ADAMTS14: variants seen among roughly 807,000 people sequenced by gnomAD.
ADAMTS14 encodes the protein A disintegrin and metalloproteinase with thrombospondin motifs 14.
In ADAMTS14, 100 loss-of-function variants were observed where a neutral mutation model predicts 128.6. The observed-to-expected ratio is 0.78, with a 90% CI of 0.66 to 0.92. The LOEUF (loss-of-function observed/expected upper bound fraction) is 0.92, where lower values mean the gene tolerates loss of function less well. Ranked by LOEUF, ADAMTS14 falls within the 40% of genes least tolerant of loss-of-function variation. The pLI is 0.00. For synonymous variants in ADAMTS14, 665 were observed against 653.8 expected (o/e 1.02, Z -0.26); for missense variants, 1,562 against 1,658.6 (o/e 0.94, Z 1.01).
At chr10:70,736,297 G>A (rs563974856) in intron 9 of ADAMTS14, among the ~76,000 whole-genome samples, 2 of 152,184 alleles carry the variant, frequency 1.3e-5, no homozygotes, top group African/African-American at 4.8e-5. Context: ...CTGGAAAGCA[G>A]CAGTCCCCTT....
At chr10:70,712,901 T>C (rs892896352) in intron 4 of ADAMTS14, among the ~76,000 whole-genome samples, 3 of 152,162 alleles carry the variant, frequency 2.0e-5, no homozygotes, top group Admixed American at 6.5e-5. Context: ...GCTACAGCCC[T>C]GGATTGGACT....
intron 2 of ADAMTS14, among the ~76,000 whole-genome samples, chr10:70,701,889 C>T (rs1419173410): frequency 6.6e-6 from 1 of 152,194 alleles, no homozygotes; most frequent in Non-Finnish European, 1.5e-5. Context: ...TAGGATCTTC[C>T]TGTCTGCCTC....
intron 4 of ADAMTS14, among the ~76,000 whole-genome samples, chr10:70,717,922 C>T (rs1030994280): frequency 6.6e-6 from 1 of 152,276 alleles, no homozygotes; most frequent in Admixed American, 6.5e-5. Flanking sequence ...AGGGTCCTAC[C>T]AGCTCTGACC....
chr10:70,744,025 G>T (rs1475915396), intron 13 of ADAMTS14, 41 bp from the exon 14 acceptor site: 9 of 1,548,348 alleles, frequency 5.8e-6, no homozygotes, highest in Middle Eastern at 1.7e-4. Flanking sequence ...GGCGGTGGGG[G>T]CAGGGGAGCC....
chr10:70,685,050 G>A (rs1428242793), intron 2 of ADAMTS14, among the ~76,000 whole-genome samples: 2 of 152,278 alleles, frequency 1.3e-5, no homozygotes, highest in East Asian at 1.9e-4. Context: ...TCCAGCAAGG[G>A]CTGGTTTTAT....
At chr10:70,677,434 C>T (rs948666890) in intron 2 of ADAMTS14, among the ~76,000 whole-genome samples, 1 of 152,074 alleles carries the variant, frequency 6.6e-6, no homozygotes, top group Non-Finnish European at 1.5e-5. Flanking sequence ...CTTGATATTC[C>T]CTGGAAGATG....
chr10:70,744,022 G>C, intron 13 of ADAMTS14, 44 bp from the exon 14 acceptor site: 1 of 1,544,664 alleles, frequency 6.5e-7, no homozygotes, highest in Non-Finnish European at 8.7e-7. Flanking sequence ...GGTGGCGGTG[G>C]GGGCAGGGGA....
intron 2 of ADAMTS14, among the ~76,000 whole-genome samples, chr10:70,680,790 C>T (rs1839779263): frequency 6.6e-6 from 1 of 152,134 alleles, no homozygotes; most frequent in African/African-American, 2.4e-5. Flanking sequence ...TACAGGCGTG[C>T]ACCACCATGC....
intron 19 of ADAMTS14, among the ~76,000 whole-genome samples, chr10:70,757,187 C>T (rs1290118904): frequency 6.6e-6 from 1 of 152,138 alleles, no homozygotes; most frequent in African/African-American, 2.4e-5. Context: ...CCTCCACATT[C>T]CCTGTTTGTC....
At chr10:70,684,967 CTTAT>C (rs913446461) in intron 2 of ADAMTS14, among the ~76,000 whole-genome samples, 1 of 152,258 alleles carries the variant, frequency 6.6e-6, no homozygotes, top group African/African-American at 2.4e-5. Context: ...GGATTAATAA[CTTAT>C]TTATGATATG....
At chr10:70,744,520 G>A (rs1444204042) in intron 14 of ADAMTS14, among the ~76,000 whole-genome samples, 3 of 152,226 alleles carry the variant, frequency 2.0e-5, no homozygotes, top group Non-Finnish European at 4.4e-5. Context: ...ATCTAAAGGT[G>A]TAGCCAAGAC....
chr10:70,735,741 C>G (rs1215755006), intron 9 of ADAMTS14, among the ~76,000 whole-genome samples: 2 of 152,194 alleles, frequency 1.3e-5, no homozygotes, highest in Non-Finnish European at 2.9e-5. Flanking sequence ...CTGCCTGTGC[C>G]TGAGGACATA....
At chr10:70,741,307 G>A (rs765131760) in intron 12 of ADAMTS14, 145 bp downstream of exon 12, 33 of 975,378 alleles carry the variant, frequency 3.4e-5, no homozygotes, top group Non-Finnish European at 5.0e-5. Flanking sequence ...GAAGTCAGCG[G>A]GCTCACCATA....
At chr10:70,727,365 G>T (rs1033982864) in intron 4 of ADAMTS14, among the ~76,000 whole-genome samples, 6 of 152,236 alleles carry the variant, frequency 3.9e-5, no homozygotes, top group African/African-American at 1.4e-4. Context: ...GTGGGTTGTA[G>T]GTTGATCACT....
rs373386865 is a variant in ADAMTS14 at position 70,751,809 on chromosome 10, T to G, written c.2596+163T>G. 7.9e-4 allele frequency among the ~76,000 whole-genome samples: 120 copies of G among 152,332 alleles called. 4 individuals carry two copies. In the South Asian group the frequency reaches 0.024, roughly 31 times the overall value. ...GTGGAAGCCCGTTTTGGGCAGGGCC[T>G]TTGGGATGAGGCTGGGGGTGCTAGA... On this transcript the variant is annotated intron_variant, in intron 17 of 21. Coordinates refer to ENST00000373207, the MANE Select transcript of ADAMTS14 (RefSeq NM_080722.4).
Position 70,745,124 on chromosome 10 carries a change from A to C in ADAMTS14, c.2183-102A>C. ...AGAGATTCAGAGAGGTTCTGTGATC[A>C]AATGAGATGTTCCTGGGTGCCCAGT... On this transcript the variant is annotated intron_variant, in intron 14 of 21. Transcript: ENST00000373207. 2.8e-6 allele frequency: 3 copies of C among 1,053,502 alleles called. No individual in the cohort carries two copies. In the East Asian group the frequency reaches 7.1e-5, roughly 25 times the overall value. 65.3% of individuals were successfully genotyped at this position (1,053,502 alleles called of 1,614,324 possible).
At chr10:70,702,845 G>A (rs1429162592) in intron 3 of ADAMTS14, among the ~76,000 whole-genome samples, 9 of 152,148 alleles carry the variant, frequency 5.9e-5, no homozygotes, top group Non-Finnish European at 8.8e-5. Flanking sequence ...GGAGTTATTA[G>A]GGCACCTGCA....
intron 20 of ADAMTS14, 26 bp downstream of exon 20, chr10:70,758,117 AG>A (rs1443040496): frequency 1.2e-6 from 2 of 1,612,152 alleles, no homozygotes; most frequent in African/African-American, 2.7e-5. Flanking sequence ...TGGGGAGGCC[AG>A]GTCCAGTCCC....
In ADAMTS14 at chr10:70,743,964, A is replaced by G. The variant is rs1433197756; in HGVS notation, c.2059-102A>G. On this transcript the variant is annotated intron_variant, in intron 13 of 21. Coordinates refer to ENST00000373207, the MANE Select transcript of ADAMTS14 (RefSeq NM_080722.4). Reference sequence around the variant, plus strand: ...CCTGTCCAGGGACATCTCCCAGGCCAGAGGTCTTCTCCTGACCAGGGCCTG... The same window carrying G: ...CCTGTCCAGGGACATCTCCCAGGCCGGAGGTCTTCTCCTGACCAGGGCCTG... 9 of 1,437,312 alleles carry G rather than the reference A, an allele frequency of 6.3e-6. No individual in the cohort carries two copies. In the South Asian group the frequency reaches 1.2e-4, roughly 20 times the overall value. The allele number at this position is 1,437,312 out of a possible 1,614,324, so 89.0% of individuals were successfully genotyped here. A position where few individuals can be genotyped will look rare whatever the true frequency, so the allele number is the denominator to read the frequency against.
Sources: allele counts gnomAD v4.1 joint callset (sites outside exome capture counted in the v4.1 genomes callset), GRCh38; gene constraint gnomAD v4.1.1; transcripts MANE v1.5; gene names NCBI Gene and HGNC (gene_info 2026-07-23, HGNC 2026-07-21).